KCNIP4: variants seen among roughly 807,000 people sequenced by gnomAD.
KCNIP4 encodes the protein Kv channel-interacting protein 4.
KCNIP4 carries 12 observed loss-of-function variants against 34.0 expected under a neutral mutation model. The observed-to-expected ratio is 0.35, with a 90% CI of 0.23 to 0.57. The LOEUF (loss-of-function observed/expected upper bound fraction) is 0.57, where lower values mean the gene tolerates loss of function less well. KCNIP4 is among the 20% of genes least tolerant of loss of function. KCNIP4 has a pLI of 0.83. For synonymous variants in KCNIP4, 124 were observed against 102.2 expected (o/e 1.21, Z -1.29); for missense variants, 238 against 311.7 (o/e 0.76, Z 1.78).
intron 3 of KCNIP4, among the ~76,000 whole-genome samples, chr4:20,816,105 T>C (rs1560486385): frequency 6.6e-6 from 1 of 151,756 alleles, no homozygotes; most frequent in Non-Finnish European, 1.5e-5. Context: ...ATACAAAAAT[T>C]AGTCAGGCAT....
At chr4:21,361,253 T>TGAG (rs1719189202) in intron 1 of KCNIP4, among the ~76,000 whole-genome samples, 1 of 152,096 alleles carries the variant, frequency 6.6e-6, no homozygotes, top group Non-Finnish European at 1.5e-5. Context: ...TTTTTGATTC[T>TGAG]TCAGATTCTC....
At chr4:21,826,571 T>G (rs1722690414) in intron 1 of KCNIP4, among the ~76,000 whole-genome samples, 1 of 152,106 alleles carries the variant, frequency 6.6e-6, no homozygotes, top group Non-Finnish European at 1.5e-5. Context: ...AATCAAAAAT[T>G]TTTAAACGGT....
At chr4:21,825,928 T>TTTAA (rs1188730941) in intron 1 of KCNIP4, among the ~76,000 whole-genome samples, 7 of 152,122 alleles carry the variant, frequency 4.6e-5, no homozygotes, top group Non-Finnish European at 1.0e-4. Flanking sequence ...GGAGATGACA[T>TTTAA]TTAAGATGAG....
At chr4:20,920,449 A>G (rs1729282001) in intron 1 of KCNIP4, among the ~76,000 whole-genome samples, 1 of 152,224 alleles carries the variant, frequency 6.6e-6, no homozygotes, top group Non-Finnish European at 1.5e-5. Context: ...ACCCAGACAC[A>G]TTATGAACAT....
intron 1 of KCNIP4, among the ~76,000 whole-genome samples, chr4:21,705,845 C>T (rs1256191965): frequency 6.6e-6 from 1 of 152,174 alleles, no homozygotes; most frequent in Non-Finnish European, 1.5e-5. Context: ...AAAACCTTCT[C>T]AAAATCAGCC....
intron 1 of KCNIP4, among the ~76,000 whole-genome samples, chr4:21,563,582 A>C (rs1475741058): frequency 6.6e-6 from 1 of 152,178 alleles, no homozygotes; most frequent in Admixed American, 6.6e-5. Context: ...TTACCAATCT[A>C]ATATTTAATG....
intron 1 of KCNIP4, among the ~76,000 whole-genome samples, chr4:21,865,170 TA>T (rs1301973794): frequency 6.6e-6 from 1 of 151,856 alleles, no homozygotes; most frequent in African/African-American, 2.4e-5. Flanking sequence ...AAATCCTAAA[TA>T]ACAAATAACT....
intron 3 of KCNIP4, among the ~76,000 whole-genome samples, chr4:20,773,457 C>T (rs1756090770): frequency 6.6e-6 from 1 of 152,082 alleles, no homozygotes; most frequent in Non-Finnish European, 1.5e-5. Context: ...GCAAAATGAC[C>T]CAAAAGGAAA....
chr4:21,757,099 A>AAAAGAAAGAAAGAAAGAAAGAAAG (rs1240357604), intron 1 of KCNIP4, among the ~76,000 whole-genome samples: 1 of 109,792 alleles, frequency 9.1e-6, no homozygotes, highest in Non-Finnish European at 1.8e-5. Context: ...CTGTCTCAAA[A>AAAAGAAAGAAAGAAAGAAAGAAAG]AAAGAAAGAA....
chr4:21,879,233 T>C (rs1285027556), intron 1 of KCNIP4, among the ~76,000 whole-genome samples: 1 of 152,194 alleles, frequency 6.6e-6, no homozygotes, highest in Non-Finnish European at 1.5e-5. Flanking sequence ...CTTAGATCCT[T>C]GTCATAAGGC....
At chr4:21,197,731 A>G (rs16870577) in intron 1 of KCNIP4, among the ~76,000 whole-genome samples, 9,940 of 152,228 alleles carry the variant, frequency 0.065, 388 homozygotes, top group East Asian at 0.15. Context: ...TTCTGTGAAT[A>G]TGTATTAAAC....
chr4:21,474,695 C>T (rs1730772179), intron 1 of KCNIP4, among the ~76,000 whole-genome samples: 1 of 152,028 alleles, frequency 6.6e-6, no homozygotes, highest in African/African-American at 2.4e-5. Flanking sequence ...GAAACAAGCA[C>T]ATTAAAAATA....
In KCNIP4 at chr4:21,395,369, C is replaced by T. The variant is rs560214698; in HGVS notation, c.62-512660G>A. ...CATCTTTTAATCTTCTGTCTGTTTT[C>T]CTAAAAATCTATTTGTCTTTCCTAA... On this transcript the variant is annotated intron_variant, in intron 1 of 8. Coordinates refer to ENST00000382152, the MANE Select transcript of KCNIP4 (RefSeq NM_025221.6). Among the ~76,000 whole-genome samples, 5 of 152,228 alleles carry T rather than the reference C, an allele frequency of 3.3e-5. No homozygotes were observed. In the South Asian group the frequency reaches 6.2e-4, roughly 19 times the overall value.
intron 1 of KCNIP4, among the ~76,000 whole-genome samples, chr4:21,753,674 T>C (rs1331557975): frequency 6.6e-6 from 1 of 152,158 alleles, no homozygotes; most frequent in African/African-American, 2.4e-5. Context: ...ACTGGGTTAG[T>C]AGGGAAGCCC....
intron 1 of KCNIP4, among the ~76,000 whole-genome samples, chr4:21,568,646 G>A (rs932940468): frequency 6.6e-6 from 1 of 152,230 alleles, no homozygotes; most frequent in South Asian, 2.1e-4. Context: ...CAGACTCTAA[G>A]TTCTTCAGCT....
chr4:21,343,163 TGCTTTTAAGTCTA>T (rs1042384231), intron 1 of KCNIP4, among the ~76,000 whole-genome samples: 15 of 152,106 alleles, frequency 9.9e-5, no homozygotes, highest in African/African-American at 3.4e-4. Context: ...CTTGTGAAGC[TGCTTTTAAGTCTA>T]TGATAAATAG....
chr4:21,778,747 T>C (rs923587413), intron 1 of KCNIP4, among the ~76,000 whole-genome samples: 2 of 152,132 alleles, frequency 1.3e-5, no homozygotes, highest in South Asian at 2.1e-4. Context: ...CTAGGTGATA[T>C]GATACAAGTA....
intron 1 of KCNIP4, among the ~76,000 whole-genome samples, chr4:21,323,105 C>A (rs1168313269): frequency 6.7e-6 from 1 of 148,498 alleles, no homozygotes; most frequent in South Asian, 2.1e-4. Flanking sequence ...ATGTATGAGT[C>A]AATTATGGCC....
intron 1 of KCNIP4, among the ~76,000 whole-genome samples, chr4:20,904,956 A>T (rs550208963): frequency 1.3e-5 from 2 of 152,180 alleles, no homozygotes; most frequent in South Asian, 4.1e-4. Context: ...AGACTAGAGT[A>T]GTTTTGGAAA....
Sources: gnomAD v4.1 joint callset for allele counts (sites outside exome capture counted in the v4.1 genomes callset) on GRCh38, gnomAD v4.1.1 for gene constraint, MANE v1.5 for transcripts, NCBI Gene and HGNC (gene_info 2026-07-23, HGNC 2026-07-21) for gene names.